CALCOCO2: variants seen among roughly 807,000 people sequenced by gnomAD.
CALCOCO2 encodes calcium binding and coiled-coil domain 2.
CALCOCO2 carries 42 observed loss-of-function variants against 62.5 expected under a neutral mutation model. That is an observed-to-expected ratio of 0.67 (90% CI 0.53 to 0.87). The LOEUF is 0.87. Ranked by LOEUF, CALCOCO2 falls within the 40% of genes least tolerant of loss-of-function variation. The pLI is 0.00. For missense variants in CALCOCO2, 456 were observed against 515.0 expected (o/e 0.89, Z 1.11); for synonymous variants, 167 against 173.0 (o/e 0.97, Z 0.27).
At chr17:48,858,521 G>A (rs1198539465) in intron 10 of CALCOCO2, among the ~76,000 whole-genome samples, 1 of 151,778 alleles carries the variant, frequency 6.6e-6, no homozygotes, top group Non-Finnish European at 1.5e-5. Context: ...GTAGAGAGGG[G>A]GTTTCACCAT....
chr17:48,848,035 T>C (rs1395893367), intron 2 of CALCOCO2, 29 bp from the exon 3 acceptor site: 1 of 1,250,904 alleles, frequency 8.0e-7, no homozygotes, highest in Non-Finnish European at 1.2e-6. Context: ...CCCTTTCAGG[T>C]ACTAAATAAG....
chr17:48,834,364 GA>G (rs2039861190), intron 1 of CALCOCO2, among the ~76,000 whole-genome samples: 1 of 152,100 alleles, frequency 6.6e-6, no homozygotes. Flanking sequence ...AAACTGAGCT[GA>G]AAAAAGGTAA....
At chr17:48,851,221 C>T in intron 6 of CALCOCO2, 44 bp downstream of exon 6, 1 of 1,049,214 alleles carries the variant, frequency 9.5e-7, no homozygotes, top group Non-Finnish European at 1.5e-6. Context: ...GCTGCTGTAC[C>T]ATCAGTACCC....
At chr17:48,852,702 T>C in intron 8 of CALCOCO2, 74 bp downstream of exon 8, 3 of 1,424,282 alleles carry the variant, frequency 2.1e-6, no homozygotes, top group Non-Finnish European at 2.0e-6. Flanking sequence ...ATAAAGAACA[T>C]TTTAATGTTC....
At position 48,848,177 on chromosome 17, in the gene CALCOCO2, T is replaced by C; in HGVS notation, c.283+11T>C. 6.3e-7 allele frequency: 1 copy of C among 1,589,216 alleles called. No homozygotes were observed. The highest frequency in any genetic ancestry group is 8.6e-7 in the Non-Finnish European group (1 of 1,157,454). ...AAGTCCAATTCAAAGGTGAGAAAAA[T>C]ACTGGATCAAAGGTGTTGAAGACAG... On this transcript the variant is annotated intron_variant, in intron 3 of 12. Coordinates refer to ENST00000258947, the MANE Select transcript of CALCOCO2 (RefSeq NM_005831.5).
intron 10 of CALCOCO2, 99 bp from the exon 11 acceptor site, chr17:48,860,215 G>C (rs1242086688): frequency 2.4e-6 from 2 of 825,374 alleles, no homozygotes; most frequent in East Asian, 5.0e-5. Flanking sequence ...GTGCCACATT[G>C]CTAATTGAGA....
intron 1 of CALCOCO2, among the ~76,000 whole-genome samples, chr17:48,841,386 G>A (rs2039972680): frequency 6.6e-6 from 1 of 152,112 alleles, no homozygotes; most frequent in African/African-American, 2.4e-5. Context: ...ATTTTATCTA[G>A]GCTGCCTTGC....
At chr17:48,833,072 G>A (rs895207661) in intron 1 of CALCOCO2, among the ~76,000 whole-genome samples, 1 of 152,140 alleles carries the variant, frequency 6.6e-6, no homozygotes, top group Non-Finnish European at 1.5e-5. Flanking sequence ...CAAATGGCTC[G>A]ATAATTTGAA....
Position 48,848,389 on chromosome 17 carries a change from G to A in CALCOCO2, c.351G>A (p.Arg117=), listed in dbSNP as rs767230202. ...ATGTGGATGAGGATGGTGTGGTCCG[G>A]GGAGCAAGTATTCCTTTCCAATTCC... The part of the protein sequence containing the change: ...FCYVDEDGVV[R]GASIPFQFRP... Residue 117 remains arginine, a synonymous_variant, in exon 4 of 13, where the codon CGG becomes CGA. Transcript: ENST00000258947. 1 of 1,613,540 alleles carries A rather than the reference G, an allele frequency of 6.2e-7. No individual in the cohort carries two copies. Among genetic ancestry groups the A allele is most frequent in the African/African-American group, 1.3e-5 (1 of 75,008 alleles).
Position 48,856,145 on chromosome 17 carries a change from T to C in CALCOCO2, c.966T>C (p.Asn322=), listed in dbSNP as rs1013382891. ...TGAGTGAGAACGAAATTATATGTAA[T>C]GCTCTGCAGAGACAGAAAGAGAGAT... ...KRLSENEIIC[N]ALQRQKERLE... Residue 322 remains asparagine (N), a synonymous_variant, in exon 10 of 13, where the codon AAT becomes AAC. Coordinates refer to ENST00000258947, the MANE Select transcript of CALCOCO2 (RefSeq NM_005831.5). The C allele has an allele frequency of 6.2e-7, 1 of 1,605,136 alleles. No individual in the cohort carries two copies. The highest frequency in any genetic ancestry group is 8.5e-7 in the Non-Finnish European group (1 of 1,172,982).
chr17:48,856,137 A>T lies in CALCOCO2; in HGVS notation c.958A>T (p.Ile320Leu). The change falls in exon 10 of 13, where the codon ATA (isoleucine) becomes TTA (leucine). Residue 320 changes from isoleucine to leucine, a missense_variant. Ile to Leu is a conservative substitution (Grantham distance 5, BLOSUM62 2). Around this residue, in one of 3 missense-constraint regions of CALCOCO2, gnomAD observed 172 missense variants for 210.3 expected, o/e 0.82. Transcript: ENST00000258947. ...LSKRLSENEI[I>L]CNALQRQKER... ...AAAAAGACTGAGTGAGAACGAAATTATATGTAATGCTCTGCAGAGACAGAA... is the reference window on the plus strand; with the variant it reads ...AAAAAGACTGAGTGAGAACGAAATTTTATGTAATGCTCTGCAGAGACAGAA... The T allele has an allele frequency of 1.9e-6, 3 of 1,604,920 alleles. No homozygotes were observed. Among genetic ancestry groups the T allele is most frequent in the Non-Finnish European group, 2.6e-6 (3 of 1,172,906 alleles).
At chr17:48,859,650 C>T (rs185556191) in intron 10 of CALCOCO2, among the ~76,000 whole-genome samples, 6 of 152,136 alleles carry the variant, frequency 3.9e-5, no homozygotes, top group South Asian at 2.1e-4. Flanking sequence ...ATAGTTTCAA[C>T]GTTAATATAC....
intron 4 of CALCOCO2, 168 bp downstream of exon 4, chr17:48,848,623 C>A: frequency 3.0e-6 from 2 of 677,108 alleles, no homozygotes; most frequent in Non-Finnish European, 2.6e-6. Flanking sequence ...GGAATGTTAA[C>A]AAGACTCATA....
At chr17:48,852,723 C>A in intron 8 of CALCOCO2, 95 bp downstream of exon 8, 1 of 1,202,938 alleles carries the variant, frequency 8.3e-7, no homozygotes. Flanking sequence ...TTTAATATAC[C>A]TGGATGTCAC....
chr17:48,857,995 AAT>A (rs2040249158), intron 10 of CALCOCO2, among the ~76,000 whole-genome samples: 1 of 22,096 alleles, frequency 4.5e-5, no homozygotes, highest in Non-Finnish European at 1.0e-4. Flanking sequence ...AATAGAATAG[AAT>A]AGAATAGAAT....
At chr17:48,848,220 T>C in intron 3 of CALCOCO2, 54 bp downstream of exon 3, 1 of 1,519,564 alleles carries the variant, frequency 6.6e-7, no homozygotes, top group Non-Finnish European at 9.1e-7. Context: ...GACTAATTAA[T>C]TCCCTTCAGC....
chr17:48,862,035 C>T (rs1219992575), intron 11 of CALCOCO2, among the ~76,000 whole-genome samples: 4 of 128,230 alleles, frequency 3.1e-5, no homozygotes, highest in South Asian at 2.7e-4. Flanking sequence ...GGCGACAAAG[C>T]GAGACTCTGT....
chr17:48,863,379 T>G lies in CALCOCO2; in HGVS notation c.*374T>G, dbSNP rs1329385168. The G allele has an allele frequency of 3.7e-6, 1 of 267,800 alleles. No homozygotes were observed. The highest frequency in any genetic ancestry group is 7.4e-6 in the Non-Finnish European group (1 of 134,580). 16.6% of individuals were successfully genotyped at this position (267,800 alleles called of 1,614,324 possible). ...CTGCCATTCAAAGTCAGCCCTTGAG[T>G]GTATTTGTTCTCAGTCCTAACCCTG... is the stretch of plus-strand genomic sequence containing the variant. On this transcript the variant is annotated 3_prime_UTR_variant, in exon 13 of 13. Transcript: ENST00000258947.
intron 2 of CALCOCO2, among the ~76,000 whole-genome samples, chr17:48,847,054 A>C (rs998523219): frequency 6.6e-6 from 1 of 152,132 alleles, no homozygotes; most frequent in African/African-American, 2.4e-5. Context: ...ATTGTATTCA[A>C]TACCTAGAAG....
Sources: gnomAD v4.1 joint callset for allele counts (sites outside exome capture counted in the v4.1 genomes callset) on GRCh38, gnomAD v4.1.1 for gene constraint, gnomAD v4.1.1 regional missense constraint, MANE v1.5 for transcripts, NCBI Gene and HGNC (gene_info 2026-07-23, HGNC 2026-07-21) for gene names.